ZNF217: variants seen among roughly 807,000 people sequenced by gnomAD.
ZNF217 encodes the protein zinc finger protein 217.
In ZNF217, 12 loss-of-function variants were observed where a neutral mutation model predicts 73.3. That is an observed-to-expected ratio of 0.16 (90% confidence interval 0.10 to 0.27). The LOEUF (loss-of-function observed/expected upper bound fraction) is 0.27. Among genes scored for constraint, ZNF217 ranks in the 10% least tolerant of loss-of-function variants. The pLI, the probability that ZNF217 is intolerant of heterozygous loss-of-function variation, is 1.00. For synonymous variants in ZNF217, 588 were observed against 516.4 expected (o/e 1.14, Z -1.88); for missense variants, 1,195 against 1,327.8 (o/e 0.90, Z 1.55).
In ZNF217 at chr20:53,576,975, T is replaced by C; in HGVS notation, c.1789A>G (p.Lys597Glu). Residue 597 changes from lysine to glutamate, a missense_variant, in exon 4 of 6, where the codon AAA becomes GAA. By Grantham distance (56) the Lys-to-Glu change is moderately conservative. This residue lies in a region of ZNF217 where 649 missense variants were observed against 642.8 expected (regional missense o/e 1.01). Coordinates refer to ENST00000371471, the MANE Select transcript of ZNF217 (RefSeq NM_006526.3). ...LGSAVLSPAHKDTQDFHKNAA... is the reference protein window; with the variant it reads ...LGSAVLSPAHEDTQDFHKNAA... ...TTTTTATGGAAATCCTGAGTATCTTTGTGTGCTGGTGAGAGGACAGCGCTG... is the reference window on the plus strand; with the variant it reads ...TTTTTATGGAAATCCTGAGTATCTTCGTGTGCTGGTGAGAGGACAGCGCTG... 6.2e-7 allele frequency: 1 copy of C among 1,614,232 alleles called. No individual in the cohort carries two copies. The highest frequency in any genetic ancestry group is 2.2e-5 in the East Asian group (1 of 44,896).
rs757695130 is a variant in ZNF217, at chr20:53,567,519, C to A, written c.*1769G>T. ...ATTCCAGCCCTCTATTATCACATAC[C>A]CCCTTTAAGATTTATGGTTCTAGTC... On this transcript the variant is annotated 3_prime_UTR_variant, in exon 6 of 6. Transcript: ENST00000371471. 1 of 152,384 alleles carries A rather than the reference C, an allele frequency of 6.6e-6. No individual in the cohort carries two copies. The highest frequency in any genetic ancestry group is 2.1e-4 in the South Asian group (1 of 4,830). 9.4% of individuals were successfully genotyped at this position (152,384 alleles called of 1,614,324 possible).
chr20:53,588,288 A>G (rs1464560345), intron 1 of ZNF217, among the ~76,000 whole-genome samples: 2 of 152,140 alleles, frequency 1.3e-5, no homozygotes, highest in Non-Finnish European at 2.9e-5. Flanking sequence ...TTTAGTTTCA[A>G]TATTAACAGA....
rs1988481328 is a variant in ZNF217, at chr20:53,581,488, C to A, written c.1339G>T (p.Asp447Tyr). 6.2e-7 allele frequency: 1 copy of A among 1,611,870 alleles called. No individual in the cohort carries two copies. The highest frequency in any genetic ancestry group is 1.3e-5 in the African/African-American group (1 of 74,912). Residue 447 changes from aspartate (D) to tyrosine (Y), a missense_variant, in exon 2 of 6, where the codon GAT becomes TAT. Asp to Tyr is a radical substitution (Grantham distance 160, BLOSUM62 -3). Coordinates refer to ENST00000371471, the MANE Select transcript of ZNF217 (RefSeq NM_006526.3). This position sits in a 1 kb window ranked among gnomAD's most constrained non-coding sequence, Gnocchi z 4.9. Reference protein sequence around the residue: ...GEGGSEDGSEDGLPEGIHLDK... With the variant: ...GEGGSEDGSEYGLPEGIHLDK... ...AGATGGATTCCTTCGGGAAGCCCATCCTCAGATCCGTCTTCAGAACCACCT... is the reference window on the plus strand; with the variant it reads ...AGATGGATTCCTTCGGGAAGCCCATACTCAGATCCGTCTTCAGAACCACCT...
rs375404549 is a variant in ZNF217, at chr20:53,576,338, T to A, written c.2426A>T (p.Asp809Val). ...GTTACTTGGGGCTAAAGTGCTAGAG[T>A]CTATCCCTGAAGTCAGAGGGGCCTT... The part of the protein sequence containing the change: ...PGKAPLTSGI[D>V]SSTLAPSNLK... The change falls in exon 4 of 6, where the codon GAC becomes GTC. Residue 809 changes from aspartate to valine, a missense_variant. Asp to Val is a radical substitution (Grantham distance 152). Transcript: ENST00000371471. 1 of 1,614,042 alleles carries A rather than the reference T, an allele frequency of 6.2e-7. No homozygotes were observed. The highest frequency in any genetic ancestry group is 8.5e-7 in the Non-Finnish European group (1 of 1,180,000).
At chr20:53,595,604 TACTC>T (rs1266518428), upstream of ZNF217, among the ~76,000 whole-genome samples, 1 of 152,286 alleles carries the variant, frequency 6.6e-6, no homozygotes, top group Non-Finnish European at 1.5e-5. Flanking sequence ...GCGAATCAAT[TACTC>T]ACAATTAATT....
At chr20:53,586,413 T>TA (rs913799254) in intron 1 of ZNF217, among the ~76,000 whole-genome samples, 4 of 151,202 alleles carry the variant, frequency 2.6e-5, no homozygotes, top group African/African-American at 4.9e-5. Context: ...AAGAGCGTAA[T>TA]AAAAAAAATC....
rs963800866 is a variant in ZNF217 at position 53,586,358 on chromosome 20, G to A, written c.-342-3190C>T. Among the ~76,000 whole-genome samples, 13 of 151,976 alleles carry A rather than the reference G, an allele frequency of 8.6e-5. 1 individual carries two copies. Among genetic ancestry groups the A allele is most frequent in the South Asian group, 6.2e-4 (3 of 4,830 alleles). On this transcript the variant is annotated intron_variant, in intron 1 of 5. Transcript: ENST00000371471. ...TCAAAACTTCTACATGGCTATCAGCGACTGCCATCTAATTGCCATTCTGCA... is the reference window on the plus strand; with the variant it reads ...TCAAAACTTCTACATGGCTATCAGCAACTGCCATCTAATTGCCATTCTGCA...
At chr20:53,588,592 ATC>A (rs1988779154) in intron 1 of ZNF217, among the ~76,000 whole-genome samples, 3 of 9,094 alleles carry the variant, frequency 3.3e-4, no homozygotes, top group African/African-American at 5.8e-4. Context: ...ACACACATCT[ATC>A]TATATATATA....
chr20:53,595,552 C>T (rs1227997215), upstream of ZNF217, among the ~76,000 whole-genome samples: 5 of 152,308 alleles, frequency 3.3e-5, no homozygotes, highest in Admixed American at 3.3e-4. Context: ...TATATAACTA[C>T]TAACCCCACA....
At chr20:53,577,982 G>A (rs949292818) in intron 3 of ZNF217, among the ~76,000 whole-genome samples, 1 of 152,038 alleles carries the variant, frequency 6.6e-6, no homozygotes, top group Admixed American at 6.6e-5. Flanking sequence ...TGTGGTGGCA[G>A]GTACCTGTAA....
At chr20:53,570,465 A>T (rs201363107) in intron 5 of ZNF217, 8 of 152,684 alleles carry the variant, frequency 5.2e-5, no homozygotes, top group Admixed American at 1.3e-4. Flanking sequence ...TGACGGTTTT[A>T]CGGGACAAGA....
Position 53,581,998 on chromosome 20 carries a change from G to C in ZNF217, c.829C>G (p.Pro277Ala). ...QLFNLRPKSHPETGKKPVRCI... is the reference protein window; with the variant it reads ...QLFNLRPKSHAETGKKPVRCI... ...CTGACAGGCTTCTTCCCCGTTTCAGGGTGAGATTTTGGTCTCAAGTTGAAC... is the reference window on the plus strand; with the variant it reads ...CTGACAGGCTTCTTCCCCGTTTCAGCGTGAGATTTTGGTCTCAAGTTGAAC... Residue 277 changes from proline (P) to alanine (A), a missense_variant, in exon 2 of 6, where the codon CCT (proline) becomes GCT (alanine). Physicochemically the swap from Pro to Ala is conservative, Grantham distance 27. Coordinates refer to ENST00000371471, the MANE Select transcript of ZNF217 (RefSeq NM_006526.3). The surrounding 1 kb of genome is among the most constrained non-coding windows in gnomAD (Gnocchi z 4.9). 6.2e-7 allele frequency: 1 copy of C among 1,614,208 alleles called. No individual in the cohort carries two copies. Among genetic ancestry groups the C allele is most frequent in the South Asian group, 1.1e-5 (1 of 91,090 alleles).
rs202034493 is a variant in ZNF217 at position 53,576,811 on chromosome 20, C to T, written c.1953G>A (p.Pro651=). 45 of 1,614,174 alleles carry T rather than the reference C, an allele frequency of 2.8e-5. No homozygotes were observed. The East Asian group carries it at 6.9e-4, about 25-fold the overall frequency. The stretch of plus-strand genomic sequence containing the variant: ...CAAGGTTATGGGTGGTACTGCCATC[C>T]GGAGGAGGAGTAACATCCGCCTTGG... The part of the protein sequence containing the change: ...CRTKADVTPP[P]DGSTTHNLEV... Residue 651 remains proline, a synonymous_variant, in exon 4 of 6, where the codon CCG becomes CCA. Transcript: ENST00000371471.
In ZNF217 at chr20:53,582,205, C is replaced by G; in HGVS notation, c.622G>C (p.Ala208Pro). The G allele has an allele frequency of 6.2e-7, 1 of 1,613,990 alleles. No homozygotes were observed. Among genetic ancestry groups the G allele is most frequent in the Non-Finnish European group, 8.5e-7 (1 of 1,180,032 alleles). The change falls in exon 2 of 6, where the codon GCC (alanine) becomes CCC (proline). Residue 208 changes from alanine (A) to proline (P), a missense_variant. Physicochemically the swap from Ala to Pro is conservative, Grantham distance 27 (BLOSUM62 -1). Around this residue, in one of 9 missense-constraint regions of ZNF217, gnomAD observed 126 missense variants for 114.4 expected, o/e 1.10. Coordinates refer to ENST00000371471, the MANE Select transcript of ZNF217 (RefSeq NM_006526.3). This position sits in a 1 kb window ranked among gnomAD's most constrained non-coding sequence, Gnocchi z 4.8. ...TINEVVQVHA[A>P]ESISSPYKIC... ...TTGTAAGGAGAGGAGATGCTCTCGG[C>G]CGCGTGCACCTGGACGACCTCGTTG...
chr20:53,579,948 T>G (rs1344761073), intron 2 of ZNF217, among the ~76,000 whole-genome samples: 1 of 152,240 alleles, frequency 6.6e-6, no homozygotes, highest in Non-Finnish European at 1.5e-5. Context: ...ATCTAGCCCA[T>G]GTTTTCCACA....
At chr20:53,589,692 T>C in intron 1 of ZNF217, among the ~76,000 whole-genome samples, 1 of 152,204 alleles carries the variant, frequency 6.6e-6, no homozygotes, top group East Asian at 1.9e-4. Context: ...CAAATTTGTC[T>C]GTTATTACTG....
At chr20:53,577,834 G>A (rs561087708) in intron 3 of ZNF217, among the ~76,000 whole-genome samples, 2 of 152,356 alleles carry the variant, frequency 1.3e-5, no homozygotes, top group South Asian at 2.1e-4. Flanking sequence ...GGTGGCTCAC[G>A]CCTGTAATCC....
chr20:53,593,694 G>A (rs1253931305), intron 1 of ZNF217, 62 bp downstream of exon 1: 3 of 151,002 alleles, frequency 2.0e-5, no homozygotes, highest in Non-Finnish European at 3.0e-5. Flanking sequence ...GGCGGCGCGG[G>A]AGCCTCCGCA....
At position 53,582,984 on chromosome 20, in the gene ZNF217, A is replaced by T. The variant is rs1024546278; in HGVS notation, c.-158T>A. On this transcript the variant is annotated 5_prime_UTR_variant, in exon 2 of 6. Transcript: ENST00000371471. The surrounding 1 kb of genome is among the most constrained non-coding windows in gnomAD (Gnocchi z 4.8). ...GTGTATAGTCCTCTAACTTCTTCGA[A>T]CTTTTAGGAAGCTCAGTGATGGTGT... 2 of 723,704 alleles carry T rather than the reference A, an allele frequency of 2.8e-6. No homozygotes were observed. The highest frequency in any genetic ancestry group is 4.3e-6 in the Non-Finnish European group (2 of 462,946). The allele number at this position is 723,704 out of a possible 1,614,324, so 44.8% of individuals were successfully genotyped here.
Sources: allele counts gnomAD v4.1 joint callset (sites outside exome capture counted in the v4.1 genomes callset), GRCh38; gene constraint gnomAD v4.1.1; regional missense constraint gnomAD v4.1.1; non-coding constraint Gnocchi (gnomAD v3.1); transcripts MANE v1.5; gene names NCBI Gene and HGNC (gene_info 2026-07-23, HGNC 2026-07-21).